The following TMTC2 variants were observed in gnomAD, a reference collection of about 807,000 sequenced individuals.
TMTC2 encodes the protein transmembrane O-mannosyltransferase targeting cadherins 2, also known as protein O-mannosyl-transferase TMTC2.
TMTC2 carries 43 observed loss-of-function variants against 82.4 expected under a neutral mutation model. That is an observed-to-expected ratio of 0.52 (90% CI 0.41 to 0.67). The LOEUF is 0.67. Ranked by LOEUF, TMTC2 falls within the 30% of genes least tolerant of loss-of-function variation. The pLI is 0.00. For missense variants in TMTC2, 919 were observed against 1,012.4 expected (o/e 0.91, Z 1.25); for synonymous variants, 408 against 381.9 (o/e 1.07, Z -0.80).
At chr12:83,070,808 G>A (rs1440881900) in intron 11 of TMTC2, among the ~76,000 whole-genome samples, 1 of 152,138 alleles carries the variant, frequency 6.6e-6, no homozygotes, top group Non-Finnish European at 1.5e-5. Context: ...TCCCCATTCA[G>A]TATTATGTTG....
chr12:82,764,669 A>T (rs1288383381), intron 1 of TMTC2, among the ~76,000 whole-genome samples: 1 of 152,170 alleles, frequency 6.6e-6, no homozygotes, highest in East Asian at 1.9e-4. Flanking sequence ...TATTTGCCAA[A>T]GTTAAGGACA....
intron 1 of TMTC2, among the ~76,000 whole-genome samples, chr12:82,701,768 A>G (rs1007134393): frequency 6.6e-6 from 1 of 151,818 alleles, no homozygotes; most frequent in Non-Finnish European, 1.5e-5. Flanking sequence ...TCAAAAAAAA[A>G]AAAAAGAAAA....
In TMTC2 at chr12:82,857,001, G is replaced by C. The variant is rs753738602; in HGVS notation, c.84-9G>C. 2 of 1,585,722 alleles carry C rather than the reference G, an allele frequency of 1.3e-6. No individual in the cohort carries two copies. Among genetic ancestry groups the C allele is most frequent in the Non-Finnish European group, 1.7e-6 (2 of 1,167,906 alleles). On this transcript the variant is annotated splice_polypyrimidine_tract_variant and intron_variant, in intron 1 of 11. Coordinates refer to ENST00000321196, the MANE Select transcript of TMTC2 (RefSeq NM_152588.3). Reference sequence around the variant, plus strand: ...TACATTTGATTTTTTTTAACGTTTTGTTTTTTAGCCGTGCTATCAAGACTA... The same window carrying C: ...TACATTTGATTTTTTTTAACGTTTTCTTTTTTAGCCGTGCTATCAAGACTA...
intron 2 of TMTC2, among the ~76,000 whole-genome samples, chr12:82,865,613 A>G (rs954224156): frequency 2.0e-5 from 3 of 152,172 alleles, no homozygotes; most frequent in African/African-American, 7.2e-5. Flanking sequence ...GAGACAGGAA[A>G]TTAACAAGGT....
At chr12:82,726,417 G>C (rs976528159) in intron 1 of TMTC2, among the ~76,000 whole-genome samples, 2 of 152,144 alleles carry the variant, frequency 1.3e-5, no homozygotes, top group African/African-American at 4.8e-5. Context: ...GACATTCTTT[G>C]TGTTTTTCTT....
At chr12:82,859,255 A>C (rs1871410526) in intron 2 of TMTC2, among the ~76,000 whole-genome samples, 1 of 152,014 alleles carries the variant, frequency 6.6e-6, no homozygotes, top group African/African-American at 2.4e-5. Flanking sequence ...TTTAGTAGAG[A>C]TGGGGTTTCA....
chr12:82,910,786 G>T (rs1179251152), intron 3 of TMTC2, among the ~76,000 whole-genome samples: 1 of 152,108 alleles, frequency 6.6e-6, no homozygotes, highest in African/African-American at 2.4e-5. Flanking sequence ...TCTGTGTCCA[G>T]CCTCTTGTCA....
chr12:82,958,120 T>C (rs1299391034), intron 4 of TMTC2, among the ~76,000 whole-genome samples: 1 of 151,996 alleles, frequency 6.6e-6, no homozygotes, highest in Non-Finnish European at 1.5e-5. Flanking sequence ...CTCAATACAT[T>C]GGCAAGCCAA....
At chr12:82,995,959 T>G (rs536801616) in intron 8 of TMTC2, among the ~76,000 whole-genome samples, 5 of 152,180 alleles carry the variant, frequency 3.3e-5, no homozygotes, top group Non-Finnish European at 7.3e-5. Flanking sequence ...TCTTTAGCTT[T>G]TTGGTTATTA....
intron 1 of TMTC2, among the ~76,000 whole-genome samples, chr12:82,702,569 T>A (rs1418103393): frequency 1.3e-5 from 2 of 152,198 alleles, no homozygotes; most frequent in Non-Finnish European, 2.9e-5. Flanking sequence ...TTAATTTACA[T>A]TGGTGCAAGA....
intron 1 of TMTC2, among the ~76,000 whole-genome samples, chr12:82,841,910 T>C (rs1448923732): frequency 1.3e-5 from 2 of 152,248 alleles, no homozygotes; most frequent in South Asian, 2.1e-4. Context: ...GAAGACTTTC[T>C]TTTTGAAATG....
intron 1 of TMTC2, among the ~76,000 whole-genome samples, chr12:82,851,953 C>T (rs1416307457): frequency 6.6e-6 from 1 of 151,562 alleles, no homozygotes; most frequent in Non-Finnish European, 1.5e-5. Flanking sequence ...GTTTGGGTGG[C>T]AGTGTCACAT....
At position 82,689,880 on chromosome 12, in the gene TMTC2, A is replaced by G. The variant is rs540116484; in HGVS notation, c.83+2211A>G. 3.3e-5 allele frequency among the ~76,000 whole-genome samples: 5 copies of G among 152,340 alleles called. No homozygotes were observed. In the East Asian group the frequency reaches 9.6e-4, roughly 29 times the overall value. ...TCTAGATAGTATATATTGATAAAATATTGAGGGCCTGTAACTGTGAATTAT... is the reference window on the plus strand; with the variant it reads ...TCTAGATAGTATATATTGATAAAATGTTGAGGGCCTGTAACTGTGAATTAT... On this transcript the variant is annotated intron_variant, in intron 1 of 11. Coordinates refer to ENST00000321196, the MANE Select transcript of TMTC2 (RefSeq NM_152588.3).
At chr12:83,006,421 C>T (rs1880208217) in intron 8 of TMTC2, among the ~76,000 whole-genome samples, 1 of 152,098 alleles carries the variant, frequency 6.6e-6, no homozygotes, top group Non-Finnish European at 1.5e-5. Context: ...TCAGTTGTAA[C>T]GTTTCCTCTT....
At chr12:83,112,814 G>A (rs762582921) in intron 11 of TMTC2, among the ~76,000 whole-genome samples, 2 of 152,076 alleles carry the variant, frequency 1.3e-5, no homozygotes, top group Admixed American at 6.6e-5. Context: ...ATATTTGATC[G>A]CTATTTCAAG....
intron 8 of TMTC2, among the ~76,000 whole-genome samples, chr12:83,005,830 G>T (rs1157243354): frequency 6.6e-6 from 1 of 152,216 alleles, no homozygotes; most frequent in East Asian, 1.9e-4. Context: ...TGCACAGGCA[G>T]ATGTGCAGAT....
intron 11 of TMTC2, among the ~76,000 whole-genome samples, chr12:83,080,365 TTCTC>T (rs367851763): frequency 4.9e-4 from 74 of 150,224 alleles, no homozygotes; most frequent in Middle Eastern, 6.8e-3. Context: ...AGATTCACCT[TTCTC>T]TCTCTCTCTC....
At position 82,687,471 on chromosome 12, in the gene TMTC2, G is replaced by C. The variant is rs1050470410; in HGVS notation, c.-116G>C. On this transcript the variant is annotated 5_prime_UTR_variant, in exon 1 of 12. Transcript: ENST00000321196. ...CGAGGGAGGGAGGGTGGGGAAGCGA[G>C]GGAAAAGTGAAGCTGGGAGGAGAAG... is the stretch of plus-strand genomic sequence containing the variant. 3 of 989,976 alleles carry C rather than the reference G, an allele frequency of 3.0e-6. No individual in the cohort carries two copies. Among genetic ancestry groups the C allele is most frequent in the Admixed American group, 4.2e-5 (2 of 47,478 alleles). 61.3% of individuals were successfully genotyped at this position (989,976 alleles called of 1,614,324 possible).
chr12:82,923,091 C>G (rs143698555), intron 3 of TMTC2, among the ~76,000 whole-genome samples: 3 of 152,270 alleles, frequency 2.0e-5, no homozygotes, highest in African/African-American at 7.2e-5. Context: ...AACAGAATGT[C>G]TGCCCCGGGC....
Sources: gnomAD v4.1 joint callset for allele counts (sites outside exome capture counted in the v4.1 genomes callset) on GRCh38, gnomAD v4.1.1 for gene constraint, MANE v1.5 for transcripts, NCBI Gene and HGNC (gene_info 2026-07-23, HGNC 2026-07-21) for gene names.